Variants in RAVER2 observed in about 807,000 individuals in gnomAD.
RAVER2 encodes the protein ribonucleoprotein PTB-binding 2.
A neutral mutation model predicts 78.1 loss-of-function variants in RAVER2; 46 were observed. That is an observed-to-expected ratio of 0.59 (90% confidence interval 0.46 to 0.75). The LOEUF is 0.75. RAVER2 is among the 30% of genes least tolerant of loss of function. RAVER2 has a pLI of 0.00. For missense variants in RAVER2, 793 were observed against 837.5 expected, an observed-to-expected ratio of 0.95 and a Z score of 0.66; for synonymous variants, 311 against 313.3, an observed-to-expected ratio of 0.99 and a Z score of 0.08.
At chr1:64,773,995 G>C in intron 2 of RAVER2, among the ~76,000 whole-genome samples, 1 of 152,142 alleles carries the variant, frequency 6.6e-6, no homozygotes, top group Non-Finnish European at 1.5e-5. Context: ...AGAAGTGTCT[G>C]TTCATACCCT....
chr1:64,774,692 G>GT (rs1299437527), intron 2 of RAVER2, among the ~76,000 whole-genome samples: 1 of 152,148 alleles, frequency 6.6e-6, no homozygotes, highest in Non-Finnish European at 1.5e-5. Flanking sequence ...ATTTAAAGTA[G>GT]TTTTTTCCAA....
intron 1 of RAVER2, among the ~76,000 whole-genome samples, chr1:64,762,980 T>C (rs1453999875): frequency 6.6e-6 from 1 of 152,150 alleles, no homozygotes; most frequent in Non-Finnish European, 1.5e-5. Flanking sequence ...GCAATACCAA[T>C]ATTTGACAAA....
intron 11 of RAVER2, among the ~76,000 whole-genome samples, chr1:64,827,098 C>T (rs905474972): frequency 6.6e-6 from 1 of 152,078 alleles, no homozygotes; most frequent in Non-Finnish European, 1.5e-5. Context: ...CATCGCATTC[C>T]TGTAAATCGC....
intron 1 of RAVER2, among the ~76,000 whole-genome samples, chr1:64,762,391 GT>G (rs1307326867): frequency 5.6e-5 from 8 of 143,820 alleles, no homozygotes; most frequent in African/African-American, 7.6e-5. Flanking sequence ...ATCCTAGTAG[GT>G]TTTTTTTTTA....
At chr1:64,814,599 TTATAA>T (rs1365951993) in intron 10 of RAVER2, 100 bp from the exon 11 acceptor site, 26 of 630,888 alleles carry the variant, frequency 4.1e-5, no homozygotes, top group South Asian at 7.6e-5. Flanking sequence ...TATAATTTGT[TTATAA>T]TATAACTTAT....
chr1:64,799,326 T>A (rs1002661368), intron 5 of RAVER2, among the ~76,000 whole-genome samples: 1 of 152,260 alleles, frequency 6.6e-6, no homozygotes, highest in East Asian at 1.9e-4. Flanking sequence ...CATTCATCTG[T>A]TGGTGGACAC....
At chr1:64,809,050 G>A (rs1204359009) in intron 9 of RAVER2, among the ~76,000 whole-genome samples, 1 of 152,034 alleles carries the variant, frequency 6.6e-6, no homozygotes, top group Non-Finnish European at 1.5e-5. Context: ...ACCTGGAAAG[G>A]GACAACCAAA....
chr1:64,752,480 C>T (rs1651726923), intron 1 of RAVER2, among the ~76,000 whole-genome samples: 2 of 152,146 alleles, frequency 1.3e-5, no homozygotes, highest in South Asian at 4.1e-4. Context: ...AAGTTCTCCC[C>T]AGTTAGTTTC....
intron 5 of RAVER2, among the ~76,000 whole-genome samples, chr1:64,797,356 A>G (rs1427618933): frequency 6.6e-6 from 1 of 152,224 alleles, no homozygotes; most frequent in Non-Finnish European, 1.5e-5. Flanking sequence ...GCAGGTAGGC[A>G]TGATGCTATG....
chr1:64,799,092 C>T (rs1260729434), intron 5 of RAVER2, among the ~76,000 whole-genome samples: 3 of 152,202 alleles, frequency 2.0e-5, no homozygotes, highest in African/African-American at 2.4e-5. Context: ...TCCCCTTCTC[C>T]CTTCTCTTCC....
intron 5 of RAVER2, among the ~76,000 whole-genome samples, chr1:64,801,017 A>G (rs1330085785): frequency 6.6e-6 from 1 of 151,136 alleles, no homozygotes; most frequent in African/African-American, 2.4e-5. Context: ...TTATTTTGCT[A>G]CATATATATT....
intron 11 of RAVER2, among the ~76,000 whole-genome samples, chr1:64,828,674 A>C (rs1654054923): frequency 6.6e-6 from 1 of 151,914 alleles, no homozygotes; most frequent in Non-Finnish European, 1.5e-5. Context: ...TTAAGGTTTA[A>C]ATTTTTAATT....
At chr1:64,821,661 A>G (rs879832775) in intron 11 of RAVER2, among the ~76,000 whole-genome samples, 1 of 152,210 alleles carries the variant, frequency 6.6e-6, no homozygotes, top group South Asian at 2.1e-4. Flanking sequence ...GACAAAAGCA[A>G]TGGGGTAAAG....
At chr1:64,778,318 T>C (rs1479211613) in intron 3 of RAVER2, among the ~76,000 whole-genome samples, 5 of 152,190 alleles carry the variant, frequency 3.3e-5, no homozygotes, top group Non-Finnish European at 1.5e-5. Flanking sequence ...AGCAAATCCA[T>C]TGCTTACTCA....
chr1:64,786,795 GA>G lies in RAVER2; in HGVS notation c.979-2581del, dbSNP rs571259796. 3.4e-3 allele frequency among the ~76,000 whole-genome samples: 478 copies of G among 142,078 alleles called. 3 individuals carry two copies. Among genetic ancestry groups the G allele is most frequent in the Admixed American group, 0.021 (296 of 14,430 alleles). 93.2% of individuals were successfully genotyped at this position (142,078 alleles called of 152,430 possible). ...GTGACACAGCGAGACTCTGTCTCAA[GA>G]AAAAAAAAAAATACTATTTTGTTTT... On this transcript the variant is annotated intron_variant, in intron 4 of 11. Coordinates refer to ENST00000294428, the Ensembl canonical transcript of RAVER2.
chr1:64,789,577 A>G (rs1652880062), intron 5 of RAVER2, 63 bp downstream of exon 5: 1 of 1,275,662 alleles, frequency 7.8e-7, no homozygotes, highest in South Asian at 2.5e-5. Context: ...ATTTTTTCAC[A>G]TGTGAAATAT....
At chr1:64,756,785 C>G (rs985543219) in intron 1 of RAVER2, among the ~76,000 whole-genome samples, 1 of 152,158 alleles carries the variant, frequency 6.6e-6, no homozygotes. Flanking sequence ...TCCTTAGTCT[C>G]CATTCTGTTA....
chr1:64,789,927 T>G (rs572572491), intron 5 of RAVER2, among the ~76,000 whole-genome samples: 10 of 152,342 alleles, frequency 6.6e-5, no homozygotes, highest in South Asian at 2.1e-4. Flanking sequence ...CTCTTTGTTC[T>G]TCCCCTTTTT....
chr1:64,808,907 TAGA>T (rs1653523456), intron 9 of RAVER2, among the ~76,000 whole-genome samples: 1 of 152,206 alleles, frequency 6.6e-6, no homozygotes, highest in Non-Finnish European at 1.5e-5. Flanking sequence ...TCAGAGTCTT[TAGA>T]AGAACTGTGG....
Sources: gnomAD v4.1 joint callset for allele counts (sites outside exome capture counted in the v4.1 genomes callset) on GRCh38, gnomAD v4.1.1 for gene constraint, MANE v1.5 for transcripts, NCBI Gene and HGNC (gene_info 2026-07-23, HGNC 2026-07-21) for gene names.